The following PIP5K1B variants were observed in gnomAD, a reference collection of about 807,000 sequenced individuals.
PIP5K1B encodes phosphatidylinositol-4-phosphate 5-kinase type 1 beta.
PIP5K1B carries 42 observed loss-of-function variants against 67.0 expected under a neutral mutation model. That is an observed-to-expected ratio of 0.63 (90% confidence interval 0.49 to 0.81). The LOEUF (loss-of-function observed/expected upper bound fraction) is 0.81, where lower values mean the gene tolerates loss of function less well. Ranked by LOEUF, PIP5K1B falls within the 30% of genes least tolerant of loss-of-function variation. PIP5K1B has a pLI of 0.00. For missense variants in PIP5K1B, 459 were observed against 646.3 expected, an observed-to-expected ratio of 0.71 and a Z score of 3.14; for synonymous variants, 214 against 231.4, an observed-to-expected ratio of 0.92 and a Z score of 0.68.
intron 2 of PIP5K1B, among the ~76,000 whole-genome samples, chr9:68,762,010 G>A (rs906737004): frequency 5.9e-5 from 9 of 151,816 alleles, no homozygotes; most frequent in African/African-American, 1.5e-4. Context: ...TTCCCTTTTC[G>A]CACTCTGAAT....
chr9:68,799,717 T>A (rs1210055491), intron 2 of PIP5K1B, among the ~76,000 whole-genome samples: 1 of 152,168 alleles, frequency 6.6e-6, no homozygotes, highest in African/African-American at 2.4e-5. Context: ...GACTTTTATA[T>A]CAGACGCAAA....
At chr9:68,893,553 C>T (rs1199323699) in intron 7 of PIP5K1B, among the ~76,000 whole-genome samples, 1 of 151,998 alleles carries the variant, frequency 6.6e-6, no homozygotes, top group Non-Finnish European at 1.5e-5. Context: ...AGGCTGGTCT[C>T]GAACTCCTGA....
At chr9:68,817,111 G>A (rs1243566141) in intron 2 of PIP5K1B, among the ~76,000 whole-genome samples, 2 of 152,226 alleles carry the variant, frequency 1.3e-5, no homozygotes, top group Non-Finnish European at 2.9e-5. Flanking sequence ...GGCATGAACT[G>A]GAATTGTAAA....
intron 2 of PIP5K1B, among the ~76,000 whole-genome samples, chr9:68,792,364 T>C (rs536991843): frequency 6.6e-6 from 1 of 152,336 alleles, no homozygotes; most frequent in East Asian, 1.9e-4. Context: ...GTTCATGATA[T>C]TTGCGGTGAG....
In PIP5K1B at chr9:68,741,614, C is replaced by T. The variant is rs1234312386; in HGVS notation, c.-242-887C>T. On this transcript the variant is annotated intron_variant, in intron 1 of 15. Coordinates refer to ENST00000265382, the MANE Select transcript of PIP5K1B (RefSeq NM_003558.4). ...GCCCACCAATCCATTGTGGAATGAC[C>T]TCTACAAATAGTTTTGCTTCTGCAC... 8 of 152,334 alleles carry T rather than the reference C, an allele frequency of 5.3e-5. No homozygotes were observed. The East Asian group carries it at 1.5e-3, about 29-fold the overall frequency. 9.4% of individuals were successfully genotyped at this position (152,334 alleles called of 1,614,324 possible). A position where few individuals can be genotyped will look rare whatever the true frequency, so the allele number is the denominator to read the frequency against.
At chr9:68,917,120 T>C (rs1442665389) in intron 8 of PIP5K1B, among the ~76,000 whole-genome samples, 2 of 152,180 alleles carry the variant, frequency 1.3e-5, no homozygotes, top group East Asian at 3.8e-4. Context: ...CTGTCACTTA[T>C]GTGCTGTGTG....
At chr9:68,824,257 G>A (rs776850546) in intron 4 of PIP5K1B, 11 of 518,490 alleles carry the variant, frequency 2.1e-5, no homozygotes, top group South Asian at 1.4e-4. Flanking sequence ...TGAAATTCTT[G>A]ACCAAATTCT....
intron 14 of PIP5K1B, among the ~76,000 whole-genome samples, chr9:68,949,765 C>G (rs1439489094): frequency 2.6e-5 from 4 of 152,212 alleles, no homozygotes; most frequent in African/African-American, 7.2e-5. Flanking sequence ...CAGAGAGACT[C>G]CAGCGCCGAC....
At chr9:68,959,905 A>G (rs1052146318) in intron 14 of PIP5K1B, among the ~76,000 whole-genome samples, 2 of 152,190 alleles carry the variant, frequency 1.3e-5, no homozygotes, top group African/African-American at 4.8e-5. Flanking sequence ...GACCTTGTCT[A>G]GTCTGCTAAG....
chr9:68,969,998 TA>T (rs72072585), intron 14 of PIP5K1B, among the ~76,000 whole-genome samples: 27,178 of 151,968 alleles, frequency 0.18, 2,657 homozygotes, highest in East Asian at 0.43. Context: ...ATTTTTTCAT[TA>T]AAAAAATAGC....
At chr9:68,821,420 C>T (rs949044452) in intron 3 of PIP5K1B, among the ~76,000 whole-genome samples, 2 of 152,086 alleles carry the variant, frequency 1.3e-5, no homozygotes, top group South Asian at 2.1e-4. Flanking sequence ...GATAAATGGA[C>T]GAAACAATGG....
intron 4 of PIP5K1B, among the ~76,000 whole-genome samples, chr9:68,839,739 A>T (rs1211572621): frequency 2.6e-5 from 4 of 152,160 alleles, no homozygotes; most frequent in Non-Finnish European, 4.4e-5. Context: ...GGGAGCCCTG[A>T]TGTAACCAGA....
intron 2 of PIP5K1B, among the ~76,000 whole-genome samples, chr9:68,772,354 A>G (rs1425066555): frequency 6.6e-6 from 1 of 152,208 alleles, no homozygotes; most frequent in Admixed American, 6.5e-5. Flanking sequence ...GCACAGCCAA[A>G]CATGTGTCCT....
intron 14 of PIP5K1B, among the ~76,000 whole-genome samples, chr9:68,943,274 TC>T (rs2132649513): frequency 6.6e-6 from 1 of 152,280 alleles, no homozygotes; most frequent in African/African-American, 2.4e-5. Flanking sequence ...ACCTGCCTGC[TC>T]CTGTAGGTAT....
chr9:68,764,481 T>G (rs941070641), intron 2 of PIP5K1B, among the ~76,000 whole-genome samples: 5 of 152,142 alleles, frequency 3.3e-5, no homozygotes, highest in African/African-American at 1.2e-4. Flanking sequence ...AAAATTTGTC[T>G]CATGAAGTTG....
chr9:68,770,277 C>T (rs1032460202), intron 2 of PIP5K1B, among the ~76,000 whole-genome samples: 1 of 152,138 alleles, frequency 6.6e-6, no homozygotes, highest in African/African-American at 2.4e-5. Flanking sequence ...GCTAAGCCTC[C>T]GACTTCATTA....
chr9:68,853,215 C>T (rs1417791224), intron 4 of PIP5K1B, among the ~76,000 whole-genome samples: 1 of 152,136 alleles, frequency 6.6e-6, no homozygotes, highest in Middle Eastern at 3.2e-3. Context: ...ATCAGTCCCA[C>T]ACAATACAAG....
intron 4 of PIP5K1B, 121 bp from the exon 5 acceptor site, chr9:68,863,716 A>G: frequency 1.3e-6 from 1 of 757,532 alleles, no homozygotes; most frequent in Non-Finnish European, 2.0e-6. Flanking sequence ...GCCAAACCTC[A>G]GCCTCGTCAT....
intron 6 of PIP5K1B, among the ~76,000 whole-genome samples, chr9:68,887,481 G>C (rs1173530236): frequency 4.6e-5 from 7 of 152,194 alleles, no homozygotes; most frequent in Admixed American, 3.9e-4. Context: ...TGGGGAGGAG[G>C]CTGGGTCATT....
Sources: gnomAD v4.1 joint callset for allele counts (sites outside exome capture counted in the v4.1 genomes callset) on GRCh38, gnomAD v4.1.1 for gene constraint, MANE v1.5 for transcripts, NCBI Gene and HGNC (gene_info 2026-07-23, HGNC 2026-07-21) for gene names.